Variants in MAST4 observed in about 807,000 individuals in gnomAD.
MAST4 encodes the protein microtubule associated serine/threonine kinase family member 4, also known as microtubule-associated serine/threonine-protein kinase 4.
In MAST4, 89 loss-of-function variants were observed where a neutral mutation model predicts 162.7. The observed-to-expected ratio is 0.55, with a 90% CI of 0.46 to 0.65. MAST4 has a LOEUF of 0.65. Ranked by LOEUF, MAST4 falls within the 30% of genes least tolerant of loss-of-function variation. MAST4 has a pLI of 0.00. For synonymous variants in MAST4, 1,479 were observed against 1,361.1 expected (o/e 1.09, Z -1.91); for missense variants, 3,153 against 3,374.0 (o/e 0.93, Z 1.62).
Position 67,114,135 on chromosome 5 carries a change from C to A in MAST4, c.1507C>A (p.His503Asn). The A allele has an allele frequency of 6.2e-7, 1 of 1,613,542 alleles. No individual in the cohort carries two copies. The highest frequency in any genetic ancestry group is 8.5e-7 in the Non-Finnish European group (1 of 1,179,740). ...CTACCTATTGGAAGCAGCAGAAGGC[C>A]ATGCCAAAGAAGGACAGGGTATTAA... ...FYYLLEAAEG[H>N]AKEGQGIKTD... is the part of the protein sequence containing the mutation. The change falls in exon 12 of 29, where the codon CAT becomes AAT. Residue 503 changes from histidine (H) to asparagine (N), a missense_variant. Physicochemically the swap from His to Asn is moderately conservative, Grantham distance 68 (BLOSUM62 1). This residue lies in a region of MAST4 where 360 missense variants were observed against 450.0 expected (regional missense o/e 0.80). Transcript: ENST00000403625.
intron 5 of MAST4, among the ~76,000 whole-genome samples, chr5:67,080,599 C>CAAT (rs1762487538): frequency 6.6e-6 from 1 of 152,014 alleles, no homozygotes; most frequent in Non-Finnish European, 1.5e-5. Flanking sequence ...GGCCATGTTC[C>CAAT]TATTATGTAT....
At chr5:66,960,746 C>A (rs578144461) in intron 4 of MAST4, among the ~76,000 whole-genome samples, 1 of 151,656 alleles carries the variant, frequency 6.6e-6, no homozygotes, top group Non-Finnish European at 1.5e-5. Context: ...TACTTTTTTT[C>A]TTTCTTTTCT....
At position 67,054,389 on chromosome 5, in the gene MAST4, C is replaced by T. The variant is rs779615212; in HGVS notation, c.675-15C>T. The stretch of plus-strand genomic sequence containing the variant: ...ATATTCTTTTTAAACTTTGTTTTTT[C>T]TTTCTTTTTGATAGTTGCCGAACAA... On this transcript the variant is annotated splice_polypyrimidine_tract_variant and intron_variant, in intron 4 of 28. Transcript: ENST00000403625. 1 of 1,583,298 alleles carries T rather than the reference C, an allele frequency of 6.3e-7. No homozygotes were observed.
intron 4 of MAST4, among the ~76,000 whole-genome samples, chr5:67,021,077 ATTGG>A (rs1342893835): frequency 6.6e-6 from 1 of 152,050 alleles, no homozygotes; most frequent in Non-Finnish European, 1.5e-5. Context: ...CCCTTTTTCC[ATTGG>A]TTGGTTGAAG....
At chr5:66,803,294 T>C (rs1369292757) in intron 3 of MAST4, among the ~76,000 whole-genome samples, 1 of 152,208 alleles carries the variant, frequency 6.6e-6, no homozygotes, top group Non-Finnish European at 1.5e-5. Context: ...TTACTGTAAC[T>C]TTTAACAAGC....
intron 1 of MAST4, among the ~76,000 whole-genome samples, chr5:66,731,190 C>G (rs761252126): frequency 6.6e-6 from 1 of 151,946 alleles, no homozygotes. Context: ...AATAATAACA[C>G]TTCAGTTTAA....
At position 67,000,758 on chromosome 5, in the gene MAST4, G is replaced by GGGC. The variant is rs554306989; in HGVS notation, c.675-53644_675-53643insCGG. Among the ~76,000 whole-genome samples the GGGC allele has an allele frequency of 2.5e-4, 35 of 139,014 alleles. 1 individual carries two copies. Among genetic ancestry groups the GGGC allele is most frequent in the Non-Finnish European group, 4.8e-4 (31 of 64,044 alleles). 91.2% of individuals were successfully genotyped at this position (139,014 alleles called of 152,430 possible). On this transcript the variant is annotated intron_variant, in intron 4 of 28. Transcript: ENST00000403625. ...AGTGAAACTCTGTCTAAAAAAAAAG[G>GGGC]GGGGGGGTGGCTTGTGTCAACAGGT...
chr5:66,617,083 T>C (rs1272754030), intron 1 of MAST4, among the ~76,000 whole-genome samples: 2 of 152,240 alleles, frequency 1.3e-5, no homozygotes, highest in Non-Finnish European at 2.9e-5. Flanking sequence ...CTGGATTTTT[T>C]TCTAAAAGGT....
intron 1 of MAST4, among the ~76,000 whole-genome samples, chr5:66,617,511 G>A (rs1037476082): frequency 2.0e-5 from 3 of 151,922 alleles, no homozygotes; most frequent in Non-Finnish European, 4.4e-5. Flanking sequence ...CTCATGAATG[G>A]ACGTATCAAT....
At chr5:66,715,917 C>G (rs1252164200) in intron 1 of MAST4, among the ~76,000 whole-genome samples, 1 of 151,976 alleles carries the variant, frequency 6.6e-6, no homozygotes, top group Admixed American at 6.6e-5. Context: ...CATTTGTTCT[C>G]TCAAATTGCA....
chr5:66,988,023 T>C (rs190115212), intron 4 of MAST4, among the ~76,000 whole-genome samples: 1 of 152,356 alleles, frequency 6.6e-6, no homozygotes, highest in Non-Finnish European at 1.5e-5. Flanking sequence ...GTTTTGTTGT[T>C]TTGTGCCTAG....
intron 3 of MAST4, among the ~76,000 whole-genome samples, chr5:66,831,830 A>G (rs1356041611): frequency 2.0e-5 from 3 of 152,122 alleles, no homozygotes; most frequent in Non-Finnish European, 4.4e-5. Context: ...GGAAATTCTG[A>G]TGGATGGATG....
At chr5:66,676,430 A>C (rs762274198) in intron 1 of MAST4, among the ~76,000 whole-genome samples, 1 of 150,260 alleles carries the variant, frequency 6.7e-6, no homozygotes, top group Non-Finnish European at 1.5e-5. Context: ...CACAGGTCTT[A>C]AGTCTCCCTG....
chr5:67,067,359 C>G (rs1760372816), intron 5 of MAST4, among the ~76,000 whole-genome samples: 2 of 152,180 alleles, frequency 1.3e-5, no homozygotes, highest in African/African-American at 4.8e-5. Context: ...AGTAGTCAAA[C>G]TTGCTCTTGG....
intron 1 of MAST4, among the ~76,000 whole-genome samples, chr5:66,747,368 T>A (rs758016926): frequency 6.6e-6 from 1 of 152,212 alleles, no homozygotes; most frequent in African/African-American, 2.4e-5. Flanking sequence ...AAGTTTGTGA[T>A]TCAGAGAATT....
chr5:66,664,035 A>T (rs1260387391), intron 1 of MAST4, among the ~76,000 whole-genome samples: 1 of 152,114 alleles, frequency 6.6e-6, no homozygotes, highest in East Asian at 1.9e-4. Context: ...GATGGACTGG[A>T]TGTGTAGGGT....
intron 2 of MAST4, among the ~76,000 whole-genome samples, chr5:66,765,265 G>C (rs956167412): frequency 6.6e-6 from 1 of 152,148 alleles, no homozygotes; most frequent in Non-Finnish European, 1.5e-5. Context: ...TGTATATACA[G>C]TTGTCCCTCA....
Position 66,902,373 on chromosome 5 carries a change from C to T in MAST4, c.674+2391C>T, listed in dbSNP as rs372152450. On this transcript the variant is annotated intron_variant, in intron 4 of 28. Coordinates refer to ENST00000403625, the MANE Select transcript of MAST4 (RefSeq NM_001164664.2). Reference sequence around the variant, plus strand: ...TGCATTTTCAGCATTCTGAAACTTACGGGGTTTTCCAAATTTTTTTGAAAA... The same window carrying T: ...TGCATTTTCAGCATTCTGAAACTTATGGGGTTTTCCAAATTTTTTTGAAAA... Among the ~76,000 whole-genome samples, 37 of 152,252 alleles carry T rather than the reference C, an allele frequency of 2.4e-4. No individual in the cohort carries two copies. The South Asian group carries it at 7.0e-3, about 29-fold the overall frequency.
chr5:66,915,132 G>A (rs1427249014), intron 4 of MAST4, among the ~76,000 whole-genome samples: 2 of 151,942 alleles, frequency 1.3e-5, no homozygotes, highest in African/African-American at 2.4e-5. Flanking sequence ...GGCATGGGGT[G>A]GCACACACTT....
Sources: allele counts gnomAD v4.1 joint callset (sites outside exome capture counted in the v4.1 genomes callset), GRCh38; gene constraint gnomAD v4.1.1; regional missense constraint gnomAD v4.1.1; transcripts MANE v1.5; gene names NCBI Gene and HGNC (gene_info 2026-07-23, HGNC 2026-07-21).